The following CPQ variants were observed in gnomAD, a reference collection of about 807,000 sequenced individuals.
The protein encoded by CPQ is Ser-Met dipeptidase.
In CPQ, 37 loss-of-function variants were observed where a neutral mutation model predicts 45.7. The observed-to-expected ratio is 0.81, with a 90% confidence interval of 0.62 to 1.07. The LOEUF (loss-of-function observed/expected upper bound fraction) is 1.07, where lower values mean the gene tolerates loss of function less well. Ranked by LOEUF, CPQ falls within the 50% of genes least tolerant of loss-of-function variation. The pLI is 0.00. For missense variants in CPQ, 537 were observed against 572.9 expected, an observed-to-expected ratio of 0.94 and a Z score of 0.64; for synonymous variants, 186 against 205.8, an observed-to-expected ratio of 0.90 and a Z score of 0.82.
At chr8:96,722,600 A>C (rs1809779856) in intron 1 of CPQ, among the ~76,000 whole-genome samples, 1 of 152,214 alleles carries the variant, frequency 6.6e-6, no homozygotes, top group South Asian at 2.1e-4. Context: ...TAAATGAAGA[A>C]GCATAGGAAA....
chr8:96,807,222 G>A (rs905053453), intron 2 of CPQ, among the ~76,000 whole-genome samples: 4 of 149,490 alleles, frequency 2.7e-5, no homozygotes, highest in South Asian at 4.2e-4. Flanking sequence ...GAAAACTGCT[G>A]TTTTTTTTTT....
chr8:96,652,128 C>T (rs377384448), intron 1 of CPQ, among the ~76,000 whole-genome samples: 15 of 152,148 alleles, frequency 9.9e-5, no homozygotes, highest in African/African-American at 3.1e-4. Context: ...TCCCCATTTT[C>T]CCCAACCCCT....
chr8:96,870,548 C>T (rs1812053776), intron 3 of CPQ, among the ~76,000 whole-genome samples: 1 of 151,928 alleles, frequency 6.6e-6, no homozygotes, highest in Non-Finnish European at 1.5e-5. Context: ...ATTCAGATTG[C>T]CAGGGTTCAG....
At chr8:96,689,437 C>T (rs907057178) in intron 1 of CPQ, among the ~76,000 whole-genome samples, 1 of 152,110 alleles carries the variant, frequency 6.6e-6, no homozygotes, top group Non-Finnish European at 1.5e-5. Flanking sequence ...TTTTGGTCTT[C>T]GTTATAGAGA....
intron 1 of CPQ, among the ~76,000 whole-genome samples, chr8:96,724,134 T>C (rs1809801259): frequency 6.6e-6 from 1 of 150,760 alleles, no homozygotes; most frequent in Non-Finnish European, 1.5e-5. Flanking sequence ...TCTGTATGCA[T>C]TCTCTCTCTC....
chr8:96,938,577 C>T (rs978444512), intron 4 of CPQ, among the ~76,000 whole-genome samples: 2 of 152,084 alleles, frequency 1.3e-5, no homozygotes, highest in Non-Finnish European at 2.9e-5. Flanking sequence ...AAGGGTGCTG[C>T]AGAAAGGACC....
chr8:96,946,098 C>T (rs1813184058), intron 4 of CPQ, among the ~76,000 whole-genome samples: 1 of 152,116 alleles, frequency 6.6e-6, no homozygotes, highest in Non-Finnish European at 1.5e-5. Flanking sequence ...AAGGTATATC[C>T]CTGCTTATGT....
chr8:97,067,408 A>G (rs1810657914), intron 7 of CPQ, among the ~76,000 whole-genome samples: 1 of 152,194 alleles, frequency 6.6e-6, no homozygotes, highest in African/African-American at 2.4e-5. Flanking sequence ...TACTATACAC[A>G]TAGGATGCCT....
At chr8:96,673,807 T>C (rs988769010) in intron 1 of CPQ, among the ~76,000 whole-genome samples, 1 of 152,156 alleles carries the variant, frequency 6.6e-6, no homozygotes, top group African/African-American at 2.4e-5. Flanking sequence ...GTGGGTAGTG[T>C]GAACACTATA....
intron 1 of CPQ, among the ~76,000 whole-genome samples, chr8:96,737,377 T>TATATATATATA (rs1554561448): frequency 8.8e-5 from 13 of 147,334 alleles, no homozygotes; most frequent in African/African-American, 2.3e-4. Context: ...TATGAGTTTA[T>TATATATATATA]TAAGTATTAA....
At chr8:96,802,279 G>T (rs1466613783) in intron 2 of CPQ, among the ~76,000 whole-genome samples, 1 of 151,782 alleles carries the variant, frequency 6.6e-6, no homozygotes, top group East Asian at 1.9e-4. Context: ...TCTTTTTTTT[G>T]AGTCTGTAAA....
intron 4 of CPQ, among the ~76,000 whole-genome samples, chr8:96,961,071 T>C: frequency 6.6e-6 from 1 of 152,320 alleles, no homozygotes; most frequent in East Asian, 1.9e-4. Context: ...AAGAGTGGAA[T>C]TGTTGGATTG....
chr8:96,867,509 G>A (rs373987108), intron 3 of CPQ, among the ~76,000 whole-genome samples: 6 of 151,826 alleles, frequency 4.0e-5, no homozygotes, highest in African/African-American at 1.2e-4. Context: ...ATGTTATATA[G>A]GTTGATGTTA....
chr8:97,137,705 G>A (rs1001335244), intron 7 of CPQ, among the ~76,000 whole-genome samples: 5 of 152,192 alleles, frequency 3.3e-5, no homozygotes, highest in Non-Finnish European at 7.4e-5. Flanking sequence ...CGAGGCGGGC[G>A]GATCATGAGG....
intron 5 of CPQ, among the ~76,000 whole-genome samples, chr8:97,003,592 C>T (rs1809325499): frequency 1.3e-5 from 2 of 152,160 alleles, no homozygotes; most frequent in South Asian, 4.1e-4. Context: ...TCCATTTCTC[C>T]AGTGGCCTGG....
intron 1 of CPQ, among the ~76,000 whole-genome samples, chr8:96,712,171 G>T (rs1454959532): frequency 1.3e-5 from 2 of 152,156 alleles, no homozygotes; most frequent in Non-Finnish European, 2.9e-5. Flanking sequence ...GCAGAAGGTG[G>T]ACATCCATGG....
chr8:96,704,643 AG>A (rs1809510072), intron 1 of CPQ, among the ~76,000 whole-genome samples: 1 of 152,076 alleles, frequency 6.6e-6, no homozygotes, highest in Admixed American at 6.6e-5. Context: ...GTGAGTCTAG[AG>A]AGGTAGGAGA....
chr8:96,740,608 A>T (rs1188252260), intron 1 of CPQ, among the ~76,000 whole-genome samples: 1 of 151,630 alleles, frequency 6.6e-6, no homozygotes, highest in Non-Finnish European at 1.5e-5. Flanking sequence ...TTTGTCATAG[A>T]TAGCTCTTAT....
At chr8:97,123,062 TAAAA>T (rs1251888032) in intron 7 of CPQ, among the ~76,000 whole-genome samples, 631 of 29,660 alleles carry the variant, frequency 0.021, 56 homozygotes, top group African/African-American at 0.045. Context: ...TAAAATAAAA[TAAAA>T]AAAATAAAAT....
Sources: allele counts gnomAD v4.1 joint callset (sites outside exome capture counted in the v4.1 genomes callset), GRCh38; gene constraint gnomAD v4.1.1; transcripts MANE v1.5; gene names NCBI Gene and HGNC (gene_info 2026-07-23, HGNC 2026-07-21).